Variants in ZNF76 observed in about 807,000 individuals in gnomAD.
The protein encoded by ZNF76 is zinc finger protein 76, also known as zinc finger protein 523.
ZNF76 carries 66 observed loss-of-function variants against 66.9 expected under a neutral mutation model. The ratio of observed to expected loss-of-function variants is 0.99; its 90% CI spans 0.81 to 1.21. The LOEUF is 1.21. ZNF76 is among the 50% of genes most tolerant of loss of function. The pLI, the probability that ZNF76 is intolerant of heterozygous loss-of-function variation, is 0.00. For missense variants in ZNF76, 729 were observed against 760.3 expected (o/e 0.96, Z 0.48); for synonymous variants, 275 against 296.1 (o/e 0.93, Z 0.73).
chr6:35,268,505 CAAAA>C (rs201178545), intron 1 of ZNF76, among the ~76,000 whole-genome samples: 4 of 151,492 alleles, frequency 2.6e-5, no homozygotes, highest in African/African-American at 9.7e-5. Flanking sequence ...AACAAACAAA[CAAAA>C]AAAACGAAAC....
Position 35,295,233 on chromosome 6 carries a change from G to T in ZNF76, c.1698G>T (p.Ser566=). 6.2e-7 allele frequency: 1 copy of T among 1,606,592 alleles called. No individual in the cohort carries two copies. The change falls in exon 14 of 14, where the codon TCG becomes TCT. Residue 566 remains serine, a synonymous_variant. Coordinates refer to ENST00000373953, the MANE Select transcript of ZNF76 (RefSeq NM_003427.5). ...CTGTGACCCTGGAGACAACAGTGTC[G>T]GAGAGTGGCTGCTGAGTCCAAGAGG... The part of the protein sequence containing the change: ...QGAVTLETTV[S]ESGC
chr6:35,277,043 C>G (rs1788021503), intron 1 of ZNF76, among the ~76,000 whole-genome samples: 1 of 151,832 alleles, frequency 6.6e-6, no homozygotes, highest in African/African-American at 2.4e-5. Context: ...AAGTGATCCG[C>G]CCACTTCGGC....
chr6:35,289,430 T>A (rs1447234746), intron 5 of ZNF76, among the ~76,000 whole-genome samples: 3 of 152,194 alleles, frequency 2.0e-5, no homozygotes, highest in Non-Finnish European at 4.4e-5. Context: ...GAATTTGGCC[T>A]CACCCCTCTG....
At chr6:35,294,644 G>A (rs1298741458) in intron 13 of ZNF76, 75 bp downstream of exon 13, 1 of 1,057,182 alleles carries the variant, frequency 9.5e-7, no homozygotes, top group East Asian at 2.4e-5. Flanking sequence ...AATTAGATGA[G>A]GATCTTGAAG....
chr6:35,264,396 G>T (rs1312296043), intron 1 of ZNF76, among the ~76,000 whole-genome samples: 1 of 152,166 alleles, frequency 6.6e-6, no homozygotes, highest in South Asian at 2.1e-4. Context: ...CAGCATCAGG[G>T]GCTGTCTTAT....
intron 1 of ZNF76, 49 bp from the exon 2 acceptor site, chr6:35,281,007 A>G: frequency 1.3e-6 from 1 of 775,450 alleles, no homozygotes; most frequent in Non-Finnish European, 2.2e-6. Context: ...TGTCTTTGCG[A>G]TAGGAGAAAG....
intron 9 of ZNF76, 184 bp downstream of exon 9, chr6:35,291,921 C>A: frequency 1.5e-6 from 1 of 676,202 alleles, no homozygotes; most frequent in Non-Finnish European, 2.5e-6. Context: ...TCCTCAATTT[C>A]CAGTTAGGTC....
chr6:35,276,795 T>G (rs1300671751), intron 1 of ZNF76, among the ~76,000 whole-genome samples: 12 of 20,524 alleles, frequency 5.8e-4, no homozygotes, highest in African/African-American at 7.8e-4. Context: ...TTATGGGTTT[T>G]TTTTTTTTTT....
rs1790251973 is a variant in ZNF76, at chr6:35,290,673, A to G, written c.582A>G (p.Pro194=). Residue 194 remains proline (P), a synonymous_variant, in exon 7 of 14, where the codon CCA becomes CCG. Coordinates refer to ENST00000373953, the MANE Select transcript of ZNF76 (RefSeq NM_003427.5). ...VHERAHTGDR[P]YRCDFPSCGK... is the part of the protein sequence containing the mutation. ...AACGAGCTCATACAGGTGACCGTCC[A>G]TACAGATGTGACTTCCCCAGCTGTG... 3.1e-6 allele frequency: 5 copies of G among 1,614,228 alleles called. No homozygotes were observed. The highest frequency in any genetic ancestry group is 4.2e-6 in the Non-Finnish European group (5 of 1,180,034).
At position 35,292,465 on chromosome 6, in the gene ZNF76, C is replaced by T; in HGVS notation, c.932-89C>T. On this transcript the variant is annotated intron_variant, in intron 9 of 13. Transcript: ENST00000373953. This position sits in a 1 kb window ranked among gnomAD's most constrained non-coding sequence, Gnocchi z 4.7. ...TCCCTCTCCCTCCCTCTGGCTCTCC[C>T]TTCACCAACCCTGTCCCTCACCCCT... 1 of 1,416,784 alleles carries T rather than the reference C, an allele frequency of 7.1e-7. No individual in the cohort carries two copies. Among genetic ancestry groups the T allele is most frequent in the Non-Finnish European group, 9.8e-7 (1 of 1,018,326 alleles). The allele number at this position is 1,416,784 out of a possible 1,614,324, so 87.8% of individuals were successfully genotyped here.
At chr6:35,267,046 G>A (rs1454104746) in intron 1 of ZNF76, among the ~76,000 whole-genome samples, 6 of 151,686 alleles carry the variant, frequency 4.0e-5, no homozygotes, top group Non-Finnish European at 7.4e-5. Context: ...TGATCCGCCC[G>A]CCTTGGCCTC....
Position 35,292,590 on chromosome 6 carries a change from G to T in ZNF76, c.968G>T (p.Gly323Val), listed in dbSNP as rs754819723. Residue 323 changes from glycine (G) to valine (V), a missense_variant, in exon 10 of 14, where the codon GGG (glycine) becomes GTG (valine). Transcript: ENST00000373953. This position sits in a 1 kb window ranked among gnomAD's most constrained non-coding sequence, Gnocchi z 4.7. ...TACGTTTGCACGGTGCCAGGCTGCG[G>T]GAAACGCTTCACCGAGTACTCGAGC... ...KPYVCTVPGC[G>V]KRFTEYSSLY... The T allele has an allele frequency of 6.2e-7, 1 of 1,613,648 alleles. No individual in the cohort carries two copies. Among genetic ancestry groups the T allele is most frequent in the South Asian group, 1.1e-5 (1 of 91,072 alleles).
intron 1 of ZNF76, among the ~76,000 whole-genome samples, chr6:35,266,098 C>G (rs771400125): frequency 6.6e-6 from 1 of 151,486 alleles, no homozygotes; most frequent in African/African-American, 2.4e-5. Flanking sequence ...AAGGAGCCAA[C>G]AGGATTTGCT....
At chr6:35,270,247 C>T (rs915111486) in intron 1 of ZNF76, among the ~76,000 whole-genome samples, 8 of 152,082 alleles carry the variant, frequency 5.3e-5, no homozygotes, top group Admixed American at 2.6e-4. Context: ...AGTGATTCTC[C>T]AGCCTCAGCC....
intron 5 of ZNF76, among the ~76,000 whole-genome samples, chr6:35,288,608 T>G (rs1247971085): frequency 1.3e-5 from 2 of 152,192 alleles, no homozygotes; most frequent in African/African-American, 4.8e-5. Context: ...TTATTTATAA[T>G]GAAACCAGTG....
chr6:35,282,703 A>G (rs1455467547), intron 2 of ZNF76, among the ~76,000 whole-genome samples: 1 of 152,190 alleles, frequency 6.6e-6, no homozygotes, highest in Non-Finnish European at 1.5e-5. Context: ...CTTTATTTCA[A>G]CACACTCTCA....
intron 2 of ZNF76, 116 bp from the exon 3 acceptor site, chr6:35,286,012 C>A: frequency 1.1e-6 from 1 of 921,278 alleles, no homozygotes; most frequent in Non-Finnish European, 1.7e-6. Context: ...GTTACCCATG[C>A]TTAGACCTGC....
At chr6:35,282,842 T>G (rs1194808397) in intron 2 of ZNF76, among the ~76,000 whole-genome samples, 1 of 152,212 alleles carries the variant, frequency 6.6e-6, no homozygotes, top group Non-Finnish European at 1.5e-5. Flanking sequence ...TGACAGTGTG[T>G]GGGGGTCCCT....
At chr6:35,265,564 A>C (rs901487932) in intron 1 of ZNF76, among the ~76,000 whole-genome samples, 16 of 152,072 alleles carry the variant, frequency 1.1e-4, no homozygotes, top group African/African-American at 3.9e-4. Context: ...TGGGTGTTAA[A>C]ATTTTAAATA....
Sources: allele counts gnomAD v4.1 joint callset (sites outside exome capture counted in the v4.1 genomes callset), GRCh38; gene constraint gnomAD v4.1.1; non-coding constraint Gnocchi (gnomAD v3.1); transcripts MANE v1.5; gene names NCBI Gene and HGNC (gene_info 2026-07-23, HGNC 2026-07-21).